Variants in HDDC3 observed in about 807,000 individuals in gnomAD.
HDDC3 encodes the protein guanosine-3',5'-bis(diphosphate) 3'-pyrophosphohydrolase MESH1.
In HDDC3, 18 loss-of-function variants were observed where a neutral mutation model predicts 19.1. The ratio of observed to expected loss-of-function variants is 0.94; its 90% CI spans 0.65 to 1.40. HDDC3 has a LOEUF of 1.40. HDDC3 is among the 40% of genes most tolerant of loss of function. The probability of loss-of-function intolerance (pLI) is 0.00; values close to 1 mark genes in which losing one functional copy is unlikely to be tolerated. For missense variants in HDDC3, 250 were observed against 228.9 expected, an observed-to-expected ratio of 1.09 and a Z score of -0.59; for synonymous variants, 107 against 99.4, an observed-to-expected ratio of 1.08 and a Z score of -0.46.
rs1310060011 is a variant in HDDC3 at position 90,931,515 on chromosome 15, C to T, written c.410-110G>A. The T allele has an allele frequency of 2.5e-6, 4 of 1,614,090 alleles. No homozygotes were observed. The Admixed American group carries it at 5.0e-5, about 20-fold the overall frequency. ...GGCCATGAGTTCCTGATGGAATGAG[C>T]TGTCCTGAAAACTTCCCCTTGGCCC... On this transcript the variant is annotated intron_variant, in intron 3 of 3. Coordinates refer to ENST00000394272, the MANE Select transcript of HDDC3 (RefSeq NM_001286451.2).
Position 90,932,414 on chromosome 15 carries a change from G to T in HDDC3, c.112+15C>A. 1.5e-6 allele frequency: 2 copies of T among 1,326,418 alleles called. No homozygotes were observed. The allele number at this position is 1,326,418 out of a possible 1,614,324, so 82.2% of individuals were successfully genotyped here. ...CCAGGTGCCGCAGCCGGCGCTCCGC[G>T]GCCGACGCGCCCACCGATGGGGTGG... On this transcript the variant is annotated intron_variant, in intron 1 of 3. Transcript: ENST00000394272.
Position 90,931,732 on chromosome 15 carries a change from C to A in HDDC3, c.381G>T (p.Leu127=). Residue 127 remains leucine, a synonymous_variant, in exon 3 of 4, where the codon CTG becomes CTT. Coordinates refer to ENST00000394272, the MANE Select transcript of HDDC3 (RefSeq NM_001286451.2). ...LVKLADKLYN[L]RDLNRCTPEG... ...CTGGGGTGCAGCGATTCAGGTCCCT[C>A]AGATTGTACAGCTTGTCTGCCAGCT... 1 of 1,614,140 alleles carries A rather than the reference C, an allele frequency of 6.2e-7. No individual in the cohort carries two copies. The highest frequency in any genetic ancestry group is 8.5e-7 in the Non-Finnish European group (1 of 1,180,042).
In HDDC3 at chr15:90,932,121, G is replaced by A. The variant is rs2035819714; in HGVS notation, c.113-11C>T. 3.2e-6 allele frequency: 5 copies of A among 1,581,778 alleles called. No individual in the cohort carries two copies. The highest frequency in any genetic ancestry group is 2.2e-5 in the East Asian group (1 of 44,512). ...GGATCCGTGCCACACCTGACGGGGA[G>A]GGGCAAAGCAGGAAGTCAGGTCGGA... On this transcript the variant is annotated splice_polypyrimidine_tract_variant and intron_variant, in intron 1 of 3. Coordinates refer to ENST00000394272, the MANE Select transcript of HDDC3 (RefSeq NM_001286451.2).
At chr15:90,931,641 A>G (rs1490301455) in intron 3 of HDDC3, 63 bp downstream of exon 3, 1 of 1,613,948 alleles carries the variant, frequency 6.2e-7, no homozygotes, top group African/African-American at 1.3e-5. Flanking sequence ...GAACTGACCA[A>G]CATGTGTCTT....
chr15:90,932,296 T>C lies in HDDC3; in HGVS notation c.112+133A>G, dbSNP rs557074965. ...ATCATGCCTACCGTTCCAATTGTTA[T>C]GAGGCTTAAACGGTATATCGCACTA... On this transcript the variant is annotated intron_variant, in intron 1 of 3. Transcript: ENST00000394272. The C allele has an allele frequency of 9.7e-6, 8 of 824,480 alleles. No individual in the cohort carries two copies. The South Asian group carries it at 1.1e-4, about 11-fold the overall frequency. The allele number at this position is 824,480 out of a possible 1,614,324, so 51.1% of individuals were successfully genotyped here.
rs2035783114 is a variant in HDDC3, at chr15:90,931,363, G to A, written c.452C>T (p.Ala151Val). 6.4e-6 allele frequency: 10 copies of A among 1,554,666 alleles called. No individual in the cohort carries two copies. In the East Asian group the frequency reaches 2.4e-4, roughly 38 times the overall value. Residue 151 changes from alanine to valine, a missense_variant, in exon 4 of 4, where the codon GCG becomes GTG. Coordinates refer to ENST00000394272, the MANE Select transcript of HDDC3 (RefSeq NM_001286451.2). ...HRVQEYFEWA[A>V]QVVKGLQGTN... ...TCCCTGAAGCCCCTTCACCACCTGC[G>A]CTGCCCACTCGAAGTATTCCTGGAC...
intron 3 of HDDC3, 30 bp from the exon 4 acceptor site, chr15:90,931,435 C>T (rs1209448911): frequency 6.2e-7 from 1 of 1,609,720 alleles, no homozygotes; most frequent in African/African-American, 1.3e-5. Context: ...AACTTGCTAG[C>T]GTGATGTCAA....
rs1377031870 is a variant in HDDC3, at chr15:90,930,289, T to C, written c.*986A>G. The C allele has an allele frequency of 6.6e-6, 1 of 152,174 alleles. No individual in the cohort carries two copies. The highest frequency in any genetic ancestry group is 1.9e-4 in the East Asian group (1 of 5,182). The allele number at this position is 152,174 out of a possible 1,614,324, so 9.4% of individuals were successfully genotyped here. A position where few individuals can be genotyped will look rare whatever the true frequency, so the allele number is the denominator to read the frequency against. On this transcript the variant is annotated 3_prime_UTR_variant, in exon 4 of 4. Transcript: ENST00000394272. ...GAACCGGAATCCCCCACCGGCCCAA[T>C]CATGTTGCTGCTGGGGTCTCTCCGG...
At position 90,931,276 on chromosome 15, in the gene HDDC3, C is replaced by CAGATTGT; in HGVS notation, c.532_538dup (p.Ter180TyrfsTer7). ...CCTCTGGATAGCTTCAAGCACTGAT[C>CAGATTGT]AGATTGTCAGCCCCCGCTGCTTGAA... On this transcript the variant is annotated frameshift_variant and stop_lost, in exon 4 of 4. Coordinates refer to ENST00000394272, the MANE Select transcript of HDDC3 (RefSeq NM_001286451.2). LOFTEE classifies it high-confidence loss of function. 1 of 1,550,462 alleles carries CAGATTGT rather than the reference C, an allele frequency of 6.4e-7. No individual in the cohort carries two copies. The highest frequency in any genetic ancestry group is 8.7e-7 in the Non-Finnish European group (1 of 1,146,754).
rs762691307 is a variant in HDDC3 at position 90,930,863 on chromosome 15, T to G, written c.*412A>C. 9.1e-6 allele frequency: 2 copies of G among 220,358 alleles called. No individual in the cohort carries two copies. Among genetic ancestry groups the G allele is most frequent in the Non-Finnish European group, 1.9e-5 (2 of 107,386 alleles). 13.7% of individuals were successfully genotyped at this position (220,358 alleles called of 1,614,324 possible). On this transcript the variant is annotated 3_prime_UTR_variant, in exon 4 of 4. Coordinates refer to ENST00000394272, the MANE Select transcript of HDDC3 (RefSeq NM_001286451.2). ...GGACACACAATTAGTCCTGCTTTGC[T>G]GAAGGAAAGATATGCAGCCCACCAG...
rs1052532 is a variant in HDDC3, at chr15:90,931,006, T to G, written c.*269A>C. ...TCTCAAGTCCCTGAGGGGCCAGAGA[T>G]CCCACCATGCAAAATAGCAAACAGA... On this transcript the variant is annotated 3_prime_UTR_variant, in exon 4 of 4. Transcript: ENST00000394272. The G allele has an allele frequency of 2.3e-6, 1 of 432,260 alleles. No individual in the cohort carries two copies. The highest frequency in any genetic ancestry group is 4.2e-6 in the Non-Finnish European group (1 of 235,876). 26.8% of individuals were successfully genotyped at this position (432,260 alleles called of 1,614,324 possible). A position where few individuals can be genotyped will look rare whatever the true frequency, so the allele number is the denominator to read the frequency against.
In HDDC3 at chr15:90,931,231, T is replaced by C. The variant is rs1439662443; in HGVS notation, c.*44A>G. On this transcript the variant is annotated 3_prime_UTR_variant, in exon 4 of 4. Transcript: ENST00000394272. ...GATGGCGTATGAATCCTGTCCGGCC[T>C]GAACGAGGCTGGAGTTGTGCCTCTG... 2.6e-6 allele frequency: 4 copies of C among 1,548,792 alleles called. No individual in the cohort carries two copies. The highest frequency in any genetic ancestry group is 3.5e-6 in the Non-Finnish European group (4 of 1,145,490).
At chr15:90,931,536 G>C in intron 3 of HDDC3, 131 bp from the exon 4 acceptor site, 3 of 1,614,118 alleles carry the variant, frequency 1.9e-6, no homozygotes, top group Non-Finnish European at 2.5e-6. Flanking sequence ...ACTTCCCCTT[G>C]GCCCAGCTAT....
At chr15:90,931,579 G>A in intron 3 of HDDC3, 125 bp downstream of exon 3, 1 of 1,614,162 alleles carries the variant, frequency 6.2e-7, no homozygotes, top group Non-Finnish European at 8.5e-7. Flanking sequence ...AGATCAAAGA[G>A]TGGTCCAGTA....
At position 90,931,735 on chromosome 15, in the gene HDDC3, A is replaced by G. The variant is rs2035800258; in HGVS notation, c.378T>C (p.Asn126=). The change falls in exon 3 of 4, where the codon AAT becomes AAC. Residue 126 remains asparagine, a synonymous_variant. Coordinates refer to ENST00000394272, the MANE Select transcript of HDDC3 (RefSeq NM_001286451.2). Reference sequence around the variant, plus strand: ...GGGTGCAGCGATTCAGGTCCCTCAGATTGTACAGCTTGTCTGCCAGCTTCA... The same window carrying G: ...GGGTGCAGCGATTCAGGTCCCTCAGGTTGTACAGCTTGTCTGCCAGCTTCA... ...KLVKLADKLY[N]LRDLNRCTPE... 6.2e-7 allele frequency: 1 copy of G among 1,613,914 alleles called. No homozygotes were observed. Among genetic ancestry groups the G allele is most frequent in the African/African-American group, 1.3e-5 (1 of 74,864 alleles).
Position 90,932,454 on chromosome 15 carries a change from C to T in HDDC3, c.87G>A (p.Gly29=), listed in dbSNP as rs776611117. The change falls in exon 1 of 4, where the codon GGG becomes GGA. Residue 29 remains glycine (G), a synonymous_variant. Transcript: ENST00000394272. ...HRQQRRKDPE[G]TPYINHPIGV... Reference sequence around the variant, plus strand: ...CGATGGGGTGGTTGATGTAGGGGGTCCCCTCGGGGTCCTTCCGCCGCTGCT... The same window carrying T: ...CGATGGGGTGGTTGATGTAGGGGGTTCCCTCGGGGTCCTTCCGCCGCTGCT... 1.5e-6 allele frequency: 2 copies of T among 1,352,738 alleles called. No individual in the cohort carries two copies. Among genetic ancestry groups the T allele is most frequent in the Non-Finnish European group, 1.9e-6 (2 of 1,054,458 alleles). The allele number at this position is 1,352,738 out of a possible 1,614,324, so 83.8% of individuals were successfully genotyped here.
Position 90,931,818 on chromosome 15 carries a change from C to G in HDDC3, c.295G>C (p.Glu99Gln). 1 of 1,614,138 alleles carries G rather than the reference C, an allele frequency of 6.2e-7. No individual in the cohort carries two copies. Among genetic ancestry groups the G allele is most frequent in the Non-Finnish European group, 8.5e-7 (1 of 1,180,022 alleles). ...TGCTCCACCTGCAGCCTCTTTCTCT[C>G]CAGCTTGGGCAGAGTCTTGTCATCT... Reference protein sequence around the residue: ...VTDDKTLPKLERKRLQVEQAP... With the variant: ...VTDDKTLPKLQRKRLQVEQAP... The change falls in exon 3 of 4, where the codon GAG becomes CAG. Residue 99 changes from glutamate (E) to glutamine (Q), a missense_variant. Transcript: ENST00000394272.
In HDDC3 at chr15:90,931,883, T is replaced by C. The variant is rs1248220164; in HGVS notation, c.230A>G (p.His77Arg). The change falls in exon 3 of 4, where the codon CAC becomes CGC. Residue 77 changes from histidine to arginine, a missense_variant. Physicochemically the swap from His to Arg is conservative, Grantham distance 29. Coordinates refer to ENST00000394272, the MANE Select transcript of HDDC3 (RefSeq NM_001286451.2). ...CAGGCGCCGCACTTGTGCCCCAAAG[T>C]GTAGCTCCACCTCATCCAGGGTGGT... Reference protein sequence around the residue: ...TDTTLDEVELHFGAQVRRLVE... With the variant: ...TDTTLDEVELRFGAQVRRLVE... The C allele has an allele frequency of 2.5e-6, 4 of 1,613,924 alleles. No individual in the cohort carries two copies. The highest frequency in any genetic ancestry group is 1.3e-5 in the African/African-American group (1 of 74,912).
intron 2 of HDDC3, 36 bp downstream of exon 2, chr15:90,932,019 C>T: frequency 6.2e-7 from 1 of 1,614,066 alleles, no homozygotes; most frequent in Non-Finnish European, 8.5e-7. Context: ...CCCTAATCCC[C>T]ATCCCAGGCT....
Sources: allele counts gnomAD v4.1 joint callset, GRCh38; gene constraint gnomAD v4.1.1; transcripts MANE v1.5; gene names NCBI Gene and HGNC (gene_info 2026-07-23, HGNC 2026-07-21).